MED12L: variants seen among roughly 807,000 people sequenced by gnomAD.
MED12L encodes the protein mediator complex subunit 12L, also known as mediator of RNA polymerase II transcription subunit 12-like protein.
A neutral mutation model predicts 281.3 loss-of-function variants in MED12L; 60 were observed. The ratio of observed to expected loss-of-function variants is 0.21; its 90% CI spans 0.17 to 0.26. MED12L has a LOEUF of 0.26. MED12L is among the 10% of genes least tolerant of loss of function. The pLI is 1.00. For synonymous variants in MED12L, 974 were observed against 987.2 expected, an observed-to-expected ratio of 0.99 and a Z score of 0.25; for missense variants, 2,146 against 2,680.9, an observed-to-expected ratio of 0.80 and a Z score of 4.41.
chr3:151,098,906 T>C (rs1465208082), intron 2 of MED12L, among the ~76,000 whole-genome samples: 1 of 152,134 alleles, frequency 6.6e-6, no homozygotes, highest in Non-Finnish European at 1.5e-5. Flanking sequence ...CGCAGTTCCA[T>C]GTGGCTGGGG....
chr3:151,103,402 A>C (rs1721627982), intron 2 of MED12L, among the ~76,000 whole-genome samples: 1 of 152,184 alleles, frequency 6.6e-6, no homozygotes, highest in Non-Finnish European at 1.5e-5. Context: ...GCTCTCTCCC[A>C]CTTTTAAATG....
At chr3:151,163,411 A>G (rs1017381202) in intron 8 of MED12L, among the ~76,000 whole-genome samples, 6 of 152,346 alleles carry the variant, frequency 3.9e-5, no homozygotes, top group Admixed American at 3.9e-4. Context: ...TTATAGAAAA[A>G]GTTTGACAAC....
At chr3:151,288,265 G>A (rs1305505089) in intron 16 of MED12L, among the ~76,000 whole-genome samples, 1 of 152,184 alleles carries the variant, frequency 6.6e-6, no homozygotes, top group Non-Finnish European at 1.5e-5. Flanking sequence ...GCTGCTTATA[G>A]GAGTGACCCA....
intron 17 of MED12L, among the ~76,000 whole-genome samples, chr3:151,353,862 C>A (rs1753553697): frequency 6.6e-6 from 1 of 152,022 alleles, no homozygotes; most frequent in African/African-American, 2.4e-5. Flanking sequence ...ACAGTGCTGG[C>A]CGGGCGCGGT....
At chr3:151,342,254 T>C (rs924206720) in intron 16 of MED12L, among the ~76,000 whole-genome samples, 1 of 152,218 alleles carries the variant, frequency 6.6e-6, no homozygotes, top group African/African-American at 2.4e-5. Flanking sequence ...GCTTTAACTT[T>C]ATGTAAATAT....
chr3:151,130,151 A>C (rs1246132481), intron 5 of MED12L, among the ~76,000 whole-genome samples: 1 of 152,158 alleles, frequency 6.6e-6, no homozygotes, highest in African/African-American at 2.4e-5. Flanking sequence ...TGACATCTGA[A>C]GTGTCTGAAT....
intron 16 of MED12L, among the ~76,000 whole-genome samples, chr3:151,266,053 G>T (rs911090716): frequency 2.6e-5 from 4 of 152,154 alleles, no homozygotes; most frequent in Non-Finnish European, 5.9e-5. Flanking sequence ...ATTCGACTTG[G>T]CAGTGTGCAC....
intron 16 of MED12L, among the ~76,000 whole-genome samples, chr3:151,219,895 C>T (rs906860534): frequency 2.5e-5 from 3 of 118,858 alleles, no homozygotes; most frequent in African/African-American, 9.6e-5. Context: ...TATATTACCC[C>T]CCCCCCCCCC....
intron 16 of MED12L, among the ~76,000 whole-genome samples, chr3:151,252,363 C>T (rs1577129965): frequency 2.6e-5 from 4 of 152,170 alleles, no homozygotes; most frequent in East Asian, 3.9e-4. Flanking sequence ...TCATGGTCAT[C>T]GCTAAGATCT....
chr3:151,139,089 A>G (rs1486829040), intron 5 of MED12L, among the ~76,000 whole-genome samples: 1 of 152,128 alleles, frequency 6.6e-6, no homozygotes, highest in African/African-American at 2.4e-5. Context: ...TGTTTACTTC[A>G]TCTTTTGGTT....
intron 43 of MED12L, among the ~76,000 whole-genome samples, chr3:151,427,301 T>C (rs1180428692): frequency 6.6e-6 from 1 of 152,200 alleles, no homozygotes; most frequent in Non-Finnish European, 1.5e-5. Flanking sequence ...GCAGATAACC[T>C]GACAGAGTCT....
chr3:151,153,183 T>A (rs796963986), intron 5 of MED12L, among the ~76,000 whole-genome samples: 15 of 152,354 alleles, frequency 9.8e-5, no homozygotes, highest in African/African-American at 3.6e-4. Context: ...GTGGACTGCA[T>A]GACCCCTGAA....
chr3:151,256,155 C>T lies in MED12L; in HGVS notation c.2250+62489C>T, dbSNP rs75168894. 3.0e-3 allele frequency among the ~76,000 whole-genome samples: 450 copies of T among 152,244 alleles called. 3 individuals are homozygous for T. The highest frequency in any genetic ancestry group is 0.01 in the African/African-American group (431 of 41,538). Reference sequence around the variant, plus strand: ...AAATTTGAGTAGGTCTTTGACCCAGCCACTGTGGTTATAGGAAGGCTCTTT... The same window carrying T: ...AAATTTGAGTAGGTCTTTGACCCAGTCACTGTGGTTATAGGAAGGCTCTTT... On this transcript the variant is annotated intron_variant, in intron 16 of 44. Coordinates refer to ENST00000687756, the MANE Select transcript of MED12L (RefSeq NM_001393769.1).
intron 16 of MED12L, among the ~76,000 whole-genome samples, chr3:151,329,986 G>T (rs1750166264): frequency 6.6e-6 from 1 of 152,110 alleles, no homozygotes; most frequent in Admixed American, 6.6e-5. Flanking sequence ...TTAGTCTTCT[G>T]GTTTGGGGAT....
chr3:151,363,765 C>T (rs1300057659), intron 21 of MED12L, among the ~76,000 whole-genome samples: 9 of 152,128 alleles, frequency 5.9e-5, no homozygotes, highest in East Asian at 3.9e-4. Context: ...GTTACACATA[C>T]GGACTCTATA....
chr3:151,156,038 T>C (rs1719230630), intron 5 of MED12L, 123 bp from the exon 6 acceptor site: 1 of 819,918 alleles, frequency 1.2e-6, no homozygotes, highest in African/African-American at 1.7e-5. Flanking sequence ...CACAGATCAT[T>C]TTTAGGGAGC....
intron 17 of MED12L, among the ~76,000 whole-genome samples, chr3:151,351,070 G>A (rs1753183147): frequency 6.6e-6 from 1 of 152,070 alleles, no homozygotes; most frequent in East Asian, 1.9e-4. Context: ...TCCTGCACGT[G>A]GTATAAACCA....
At chr3:151,314,861 C>T (rs1222645503) in intron 16 of MED12L, among the ~76,000 whole-genome samples, 1 of 152,136 alleles carries the variant, frequency 6.6e-6, no homozygotes, top group African/African-American at 2.4e-5. Context: ...GAAGTGAGCT[C>T]CTGGGGAATT....
In MED12L at chr3:151,228,183, A is replaced by G. The variant is rs1329640945; in HGVS notation, c.2250+34517A>G. On this transcript the variant is annotated intron_variant, in intron 16 of 44. Coordinates refer to ENST00000687756, the MANE Select transcript of MED12L (RefSeq NM_001393769.1). ...GTGGACAGAGGACAGACAGTGCAGC[A>G]TAATGATTACATGCATGCTTGTGGG... Among the ~76,000 whole-genome samples, 4 of 152,220 alleles carry G rather than the reference A, an allele frequency of 2.6e-5. No individual in the cohort carries two copies. In the East Asian group the frequency reaches 7.7e-4, roughly 29 times the overall value.
Sources: allele counts gnomAD v4.1 joint callset (sites outside exome capture counted in the v4.1 genomes callset), GRCh38; gene constraint gnomAD v4.1.1; transcripts MANE v1.5; gene names NCBI Gene and HGNC (gene_info 2026-07-23, HGNC 2026-07-21).